Variants in COL4A3 observed in about 807,000 individuals in gnomAD.
The protein encoded by COL4A3 is collagen alpha-3(IV) chain.
COL4A3 carries 135 observed loss-of-function variants against 217.4 expected under a neutral mutation model. That is an observed-to-expected ratio of 0.62 (90% confidence interval 0.54 to 0.72). The LOEUF is 0.72. Ranked by LOEUF, COL4A3 falls within the 30% of genes least tolerant of loss-of-function variation. The pLI is 0.00. For missense variants in COL4A3, 1,868 were observed against 2,119.9 expected, an observed-to-expected ratio of 0.88 and a Z score of 2.33; for synonymous variants, 690 against 736.3, an observed-to-expected ratio of 0.94 and a Z score of 1.02.
intron 17 of COL4A3, 118 bp from the exon 18 acceptor site, chr2:227,257,485 G>C: frequency 1.2e-6 from 1 of 836,384 alleles, no homozygotes; most frequent in Non-Finnish European, 2.1e-6. Context: ...ACTTTAATTT[G>C]GTTTGTACAT....
intron 1 of COL4A3, among the ~76,000 whole-genome samples, chr2:227,233,814 G>C (rs188446154): frequency 7.0e-4 from 107 of 152,224 alleles, no homozygotes; most frequent in Non-Finnish European, 1.2e-3. Flanking sequence ...CCTCTCACCC[G>C]ACTGCTAAGC....
chr2:227,233,478 G>A (rs1396427199), intron 1 of COL4A3, among the ~76,000 whole-genome samples: 1 of 152,170 alleles, frequency 6.6e-6, no homozygotes, highest in Admixed American at 6.5e-5. Flanking sequence ...CAGAATTTGT[G>A]AACATCTATA....
chr2:227,261,147 GAAAT>G, intron 20 of COL4A3, 30 bp downstream of exon 20: 17 of 1,586,206 alleles, frequency 1.1e-5, no homozygotes, highest in Admixed American at 1.7e-5. Context: ...GGTACAAATA[GAAAT>G]GCTATTACAA....
At chr2:227,184,508 TAA>T (rs960520513) in intron 1 of COL4A3, among the ~76,000 whole-genome samples, 11 of 152,246 alleles carry the variant, frequency 7.2e-5, no homozygotes, top group Non-Finnish European at 1.3e-4. Flanking sequence ...CAAAAAGTGA[TAA>T]GTCTTATATT....
At chr2:227,190,192 A>G (rs4675151) in intron 1 of COL4A3, among the ~76,000 whole-genome samples, 17,056 of 152,216 alleles carry the variant, frequency 0.11, 1,290 homozygotes, top group East Asian at 0.29. Flanking sequence ...ATTGAGATCA[A>G]TTGTCATATT....
intron 1 of COL4A3, among the ~76,000 whole-genome samples, chr2:227,174,894 T>C (rs983160756): frequency 2.0e-4 from 31 of 152,168 alleles, no homozygotes; most frequent in East Asian, 1.9e-4. Context: ...TGGGACTCAT[T>C]GGTAAACAAA....
chr2:227,295,047 G>C lies in COL4A3; in HGVS notation c.3502G>C (p.Glu1168Gln). The stretch of plus-strand genomic sequence containing the variant: ...TGATGGAATTCCTGGTCCAGCCGGA[G>C]AAAAGGGAGAAACGGGTACAACTTG... ...GRDGIPGPAG[E>Q]KGETGLLRAP... Residue 1168 changes from glutamate to glutamine, a missense_variant, in exon 40 of 52, where the codon GAA becomes CAA. This residue lies in a region of COL4A3 where 1,503 missense variants were observed against 1,786.1 expected (regional missense o/e 0.84). Transcript: ENST00000396578. 2 of 1,613,616 alleles carry C rather than the reference G, an allele frequency of 1.2e-6. No individual in the cohort carries two copies. Among genetic ancestry groups the C allele is most frequent in the Non-Finnish European group, 1.7e-6 (2 of 1,179,814 alleles).
intron 44 of COL4A3, among the ~76,000 whole-genome samples, chr2:227,303,377 T>G (rs1338732892): frequency 6.6e-6 from 1 of 152,188 alleles, no homozygotes; most frequent in East Asian, 1.9e-4. Flanking sequence ...TTAGTTCACA[T>G]CAAAGCAAAT....
chr2:227,167,304 T>C (rs1021065234), intron 1 of COL4A3, among the ~76,000 whole-genome samples: 1 of 152,178 alleles, frequency 6.6e-6, no homozygotes, highest in African/African-American at 2.4e-5. Context: ...TTAGACGGGG[T>C]GGAACTGTCC....
At position 227,294,957 on chromosome 2, in the gene COL4A3, T is replaced by TTTC; in HGVS notation, c.3419-5_3419-4insCTT. 6.2e-7 allele frequency: 1 copy of TTTC among 1,608,206 alleles called. No individual in the cohort carries two copies. Among genetic ancestry groups the TTTC allele is most frequent in the Non-Finnish European group, 8.5e-7 (1 of 1,175,900 alleles). Reference sequence around the variant, plus strand: ...TGGGGTTTTTGGGTTTTTTTTTTTTTTTTCAGGTCTTCCAGGATTTCCAGG... The same window carrying TTTC: ...TGGGGTTTTTGGGTTTTTTTTTTTTTTTCTTTCAGGTCTTCCAGGATTTCCAGG... On this transcript the variant is annotated splice_region_variant and splice_polypyrimidine_tract_variant and intron_variant, in intron 39 of 51. Coordinates refer to ENST00000396578, the MANE Select transcript of COL4A3 (RefSeq NM_000091.5).
Position 227,304,164 on chromosome 2 carries a change from G to T in COL4A3, c.4153+20G>T. 1.9e-6 allele frequency: 3 copies of T among 1,613,420 alleles called. No individual in the cohort carries two copies. In the South Asian group the frequency reaches 3.3e-5, roughly 18 times the overall value. On this transcript the variant is annotated intron_variant, in intron 46 of 51. Transcript: ENST00000396578. ...ACCTAGGTGTGGGACTGGCAGCATTGACTTGGATCACTAGGAAGTGGTTGA... is the reference window on the plus strand; with the variant it reads ...ACCTAGGTGTGGGACTGGCAGCATTTACTTGGATCACTAGGAAGTGGTTGA...
intron 21 of COL4A3, chr2:227,265,045 T>C (rs1240882334): frequency 6.6e-6 from 1 of 152,244 alleles, no homozygotes; most frequent in African/African-American, 2.4e-5. Flanking sequence ...TCTCTTTGTC[T>C]TTGTCAGTTT....
chr2:227,257,031 G>C (rs1478833336), intron 17 of COL4A3, among the ~76,000 whole-genome samples: 2 of 152,178 alleles, frequency 1.3e-5, no homozygotes, highest in African/African-American at 4.8e-5. Flanking sequence ...GTGGGTATTT[G>C]TGTATCTAAA....
At chr2:227,305,188 T>C (rs1343029138) in intron 47 of COL4A3, 105 bp downstream of exon 47, 22 of 950,468 alleles carry the variant, frequency 2.3e-5, no homozygotes, top group Non-Finnish European at 3.3e-6. Flanking sequence ...TTTGAGTTTA[T>C]GTTGTTCAGA....
In COL4A3 at chr2:227,238,016, G is replaced by T; in HGVS notation, c.136G>T (p.Gly46Trp). Residue 46 changes from glycine to tryptophan, a missense_variant, in exon 2 of 52, where the codon GGG becomes TGG. Physicochemically the swap from Gly to Trp is radical, Grantham distance 184 (BLOSUM62 -2). Coordinates refer to ENST00000396578, the MANE Select transcript of COL4A3 (RefSeq NM_000091.5). ...CCAGTGCTTCTGTGACGGGGCCAAA[G>T]GGGAGAAGGTAAAAACAAACCCTAA... The part of the protein sequence containing the change: ...KGQCFCDGAK[G>W]EKGEKGFPGP... 1 of 1,605,096 alleles carries T rather than the reference G, an allele frequency of 6.2e-7. No individual in the cohort carries two copies. Among genetic ancestry groups the T allele is most frequent in the South Asian group, 1.1e-5 (1 of 90,970 alleles).
intron 4 of COL4A3, among the ~76,000 whole-genome samples, chr2:227,244,650 G>T (rs778968939): frequency 6.6e-6 from 1 of 152,162 alleles, no homozygotes; most frequent in Non-Finnish European, 1.5e-5. Context: ...CCTTTGTTAA[G>T]CTGTTCAATT....
intron 27 of COL4A3, among the ~76,000 whole-genome samples, chr2:227,277,023 T>C (rs1559890874): frequency 1.3e-5 from 2 of 152,060 alleles, no homozygotes; most frequent in Admixed American, 6.6e-5. Context: ...GGGGTTGTGT[T>C]AAAAATTTTT....
chr2:227,288,260 T>A (rs2072463953), intron 34 of COL4A3, among the ~76,000 whole-genome samples: 1 of 152,112 alleles, frequency 6.6e-6, no homozygotes, highest in East Asian at 1.9e-4. Flanking sequence ...CCAAGCCAGC[T>A]ACTTTTTATA....
chr2:227,254,026 G>T, intron 13 of COL4A3, 86 bp from the exon 14 acceptor site: 1 of 1,242,852 alleles, frequency 8.0e-7, no homozygotes, highest in South Asian at 1.2e-5. Flanking sequence ...CCAGTTTATT[G>T]AACAGATAGA....
Sources: gnomAD v4.1 joint callset for allele counts (sites outside exome capture counted in the v4.1 genomes callset) on GRCh38, gnomAD v4.1.1 for gene constraint, gnomAD v4.1.1 regional missense constraint, MANE v1.5 for transcripts, NCBI Gene and HGNC (gene_info 2026-07-23, HGNC 2026-07-21) for gene names.